Variants in NXPH1 observed in about 807,000 individuals in gnomAD.
NXPH1 encodes neurexophilin 1.
In NXPH1, 5 loss-of-function variants were observed where a neutral mutation model predicts 23.7. The ratio of observed to expected loss-of-function variants is 0.21; its 90% CI spans 0.11 to 0.44. The LOEUF is 0.44. Ranked by LOEUF, NXPH1 falls within the 20% of genes least tolerant of loss-of-function variation. NXPH1 has a pLI of 0.99. For missense variants in NXPH1, 324 were observed against 321.6 expected, an observed-to-expected ratio of 1.01 and a Z score of -0.06; for synonymous variants, 144 against 122.2, an observed-to-expected ratio of 1.18 and a Z score of -1.18.
intron 2 of NXPH1, among the ~76,000 whole-genome samples, chr7:8,634,592 C>T (rs1473344283): frequency 6.8e-6 from 1 of 147,324 alleles, no homozygotes; most frequent in Non-Finnish European, 1.5e-5. Flanking sequence ...ACTTACAAAG[C>T]AAGAGGTATA....
chr7:8,711,349 G>A (rs944879759), intron 2 of NXPH1, among the ~76,000 whole-genome samples: 4 of 152,134 alleles, frequency 2.6e-5, no homozygotes, highest in African/African-American at 9.7e-5. Flanking sequence ...TATTTTTGAT[G>A]TAAAATAGTA....
At chr7:8,516,517 G>A (rs1053331466) in intron 2 of NXPH1, among the ~76,000 whole-genome samples, 2 of 152,150 alleles carry the variant, frequency 1.3e-5, no homozygotes, top group East Asian at 3.9e-4. Context: ...AAAGTCTTCA[G>A]ATATCACCTG....
chr7:8,519,972 A>G (rs1817744085), intron 2 of NXPH1, among the ~76,000 whole-genome samples: 1 of 152,176 alleles, frequency 6.6e-6, no homozygotes, highest in Non-Finnish European at 1.5e-5. Flanking sequence ...AGCTACAGAT[A>G]AATTTCTAGT....
At chr7:8,492,190 T>C (rs531801097) in intron 2 of NXPH1, among the ~76,000 whole-genome samples, 1 of 152,174 alleles carries the variant, frequency 6.6e-6, no homozygotes, top group Admixed American at 6.6e-5. Flanking sequence ...GACATTAGAA[T>C]TTTAGATTTT....
chr7:8,705,877 G>T (rs1026416622), intron 2 of NXPH1, among the ~76,000 whole-genome samples: 4 of 152,234 alleles, frequency 2.6e-5, no homozygotes, highest in South Asian at 4.1e-4. Context: ...TAGCTTATTT[G>T]GCTTTGGGGG....
intron 2 of NXPH1, among the ~76,000 whole-genome samples, chr7:8,497,869 T>G (rs1817364774): frequency 6.6e-6 from 1 of 152,154 alleles, no homozygotes; most frequent in African/African-American, 2.4e-5. Context: ...TTAGTTTAAT[T>G]AGATCCCATT....
chr7:8,635,131 C>T (rs114322718), intron 2 of NXPH1, among the ~76,000 whole-genome samples: 1 of 152,054 alleles, frequency 6.6e-6, no homozygotes, highest in Admixed American at 6.6e-5. Context: ...CTAGAGGCAA[C>T]CTAAAGTGCT....
intron 2 of NXPH1, among the ~76,000 whole-genome samples, chr7:8,537,977 A>G (rs1818054882): frequency 6.6e-6 from 1 of 151,904 alleles, no homozygotes; most frequent in Non-Finnish European, 1.5e-5. Context: ...ATGCTCCTCC[A>G]TTTATAAAGT....
At chr7:8,619,338 C>G (rs1819814140) in intron 2 of NXPH1, among the ~76,000 whole-genome samples, 1 of 152,182 alleles carries the variant, frequency 6.6e-6, no homozygotes, top group African/African-American at 2.4e-5. Flanking sequence ...CTTCTATTCT[C>G]TTGTTAACAT....
At chr7:8,681,640 C>G (rs554344744) in intron 2 of NXPH1, among the ~76,000 whole-genome samples, 1 of 152,306 alleles carries the variant, frequency 6.6e-6, no homozygotes, top group African/African-American at 2.4e-5. Context: ...TCAGTGTTAA[C>G]AGTCATATCT....
At chr7:8,509,568 T>C (rs1817581610) in intron 2 of NXPH1, among the ~76,000 whole-genome samples, 1 of 152,108 alleles carries the variant, frequency 6.6e-6, no homozygotes, top group Non-Finnish European at 1.5e-5. Context: ...TTCTGCTCCA[T>C]TGTATTCCCC....
At chr7:8,558,112 A>G (rs746369290) in intron 2 of NXPH1, among the ~76,000 whole-genome samples, 2 of 151,764 alleles carry the variant, frequency 1.3e-5, no homozygotes, top group African/African-American at 2.4e-5. Context: ...AGAGATTTCT[A>G]TGAAATTTAT....
intron 2 of NXPH1, among the ~76,000 whole-genome samples, chr7:8,576,033 A>G (rs967574939): frequency 2.0e-5 from 3 of 152,160 alleles, no homozygotes; most frequent in African/African-American, 7.2e-5. Context: ...GGATGGGTAT[A>G]CCTGCTTCTC....
At chr7:8,520,236 C>G (rs1267722491) in intron 2 of NXPH1, among the ~76,000 whole-genome samples, 1 of 152,162 alleles carries the variant, frequency 6.6e-6, no homozygotes, top group Non-Finnish European at 1.5e-5. Context: ...CCAGTAGTAG[C>G]TAGACAACCC....
intron 2 of NXPH1, among the ~76,000 whole-genome samples, chr7:8,451,198 T>C (rs1032397037): frequency 1.3e-5 from 2 of 151,944 alleles, no homozygotes; most frequent in African/African-American, 4.8e-5. Context: ...GGAATCCTGA[T>C]AACAGAGTGC....
chr7:8,641,079 G>A (rs1820300482), intron 2 of NXPH1, among the ~76,000 whole-genome samples: 1 of 152,062 alleles, frequency 6.6e-6, no homozygotes, highest in African/African-American at 2.4e-5. Flanking sequence ...TAAGAACAAA[G>A]TTTTCTTGTC....
At chr7:8,634,665 GTTTTTTTTTT>G (rs144810873) in intron 2 of NXPH1, among the ~76,000 whole-genome samples, 20 of 95,696 alleles carry the variant, frequency 2.1e-4, no homozygotes, top group Middle Eastern at 7.6e-3. Flanking sequence ...GTCCAGAAGA[GTTTTTTTTTT>G]TTTTTTTTTT....
At chr7:8,534,321 C>T (rs1817994238) in intron 2 of NXPH1, among the ~76,000 whole-genome samples, 1 of 152,096 alleles carries the variant, frequency 6.6e-6, no homozygotes, top group Admixed American at 6.6e-5. Flanking sequence ...GGAAACATTC[C>T]ATTTTCTAAT....
intron 2 of NXPH1, among the ~76,000 whole-genome samples, chr7:8,554,201 A>C (rs1295357092): frequency 6.6e-6 from 1 of 151,690 alleles, no homozygotes; most frequent in Non-Finnish European, 1.5e-5. Context: ...CCAATGTTAG[A>C]TACTATCATT....
Sources: allele counts gnomAD v4.1 joint callset (sites outside exome capture counted in the v4.1 genomes callset), GRCh38; gene constraint gnomAD v4.1.1; transcripts MANE v1.5; gene names NCBI Gene and HGNC (gene_info 2026-07-23, HGNC 2026-07-21).